KIF17: variants seen among roughly 807,000 people sequenced by gnomAD.
KIF17 encodes kinesin family member 17.
KIF17 carries 80 observed loss-of-function variants against 96.8 expected under a neutral mutation model. The observed-to-expected ratio is 0.83, with a 90% CI of 0.69 to 1.00. The LOEUF is 1.00. Ranked by LOEUF, KIF17 falls within the 50% of genes least tolerant of loss-of-function variation. KIF17 has a pLI of 0.00. For missense variants in KIF17, 1,280 were observed against 1,372.9 expected (o/e 0.93, Z 1.07); for synonymous variants, 567 against 587.5 (o/e 0.97, Z 0.51).
intron 3 of KIF17, among the ~76,000 whole-genome samples, chr1:20,711,995 C>T (rs1199357807): frequency 2.0e-5 from 3 of 152,098 alleles, no homozygotes; most frequent in African/African-American, 7.2e-5. Flanking sequence ...TGTCTAAAGC[C>T]CGGTGACCTC....
intron 11 of KIF17, among the ~76,000 whole-genome samples, chr1:20,674,869 G>C (rs1557584416): frequency 6.6e-6 from 1 of 152,096 alleles, no homozygotes; most frequent in South Asian, 2.1e-4. Flanking sequence ...CAATTGACAG[G>C]CTGGGCGTGG....
In KIF17 at chr1:20,690,474, G is replaced by A. The variant is rs893569758; in HGVS notation, c.1234-139C>T. 1.1e-5 allele frequency: 8 copies of A among 748,900 alleles called. No homozygotes were observed. In the African/African-American group the frequency reaches 1.2e-4, roughly 12 times the overall value. 46.4% of individuals were successfully genotyped at this position (748,900 alleles called of 1,614,324 possible). On this transcript the variant is annotated intron_variant, in intron 6 of 14. Transcript: ENST00000400463. ...AGAGAATCCAATGGTACAACACTGT[G>A]ATAATTACTTGCCGGTGAAGACCTT...
At chr1:20,714,296 C>T (rs1043727431) in intron 2 of KIF17, among the ~76,000 whole-genome samples, 7 of 151,900 alleles carry the variant, frequency 4.6e-5, no homozygotes, top group Non-Finnish European at 1.0e-4. Context: ...CACTGCACTC[C>T]AGCCTGGACA....
intron 1 of KIF17, among the ~76,000 whole-genome samples, chr1:20,717,050 C>G (rs1435208225): frequency 6.6e-6 from 1 of 152,210 alleles, no homozygotes; most frequent in Non-Finnish European, 1.5e-5. Context: ...GATAAAAAGT[C>G]ACCATTCGGC....
In KIF17 at chr1:20,672,032, G is replaced by C; in HGVS notation, c.2628C>G (p.Asn876Lys). Residue 876 changes from asparagine to lysine, a missense_variant, in exon 12 of 15, where the codon AAC becomes AAG. Transcript: ENST00000400463. This position sits in a 1 kb window ranked among gnomAD's most constrained non-coding sequence, Gnocchi z 4.3. Reference sequence around the variant, plus strand: ...AGGACTCACGCAGAATCTTCTCCAGGTTGCTGTAGTTACAGTCCCTGCGAA... The same window carrying C: ...AGGACTCACGCAGAATCTTCTCCAGCTTGCTGTAGTTACAGTCCCTGCGAA... ...PLIRRDCNYS[N>K]LEKILRESCW... 1 of 1,614,156 alleles carries C rather than the reference G, an allele frequency of 6.2e-7. No individual in the cohort carries two copies. The highest frequency in any genetic ancestry group is 8.5e-7 in the Non-Finnish European group (1 of 1,180,038).
chr1:20,679,303 G>A (rs980084870), intron 11 of KIF17, among the ~76,000 whole-genome samples: 3 of 151,876 alleles, frequency 2.0e-5, no homozygotes, highest in Non-Finnish European at 2.9e-5. Context: ...AGACCCCTCC[G>A]CTACAAAAAA....
intron 1 of KIF17, among the ~76,000 whole-genome samples, chr1:20,717,190 G>T (rs976927194): frequency 1.3e-5 from 2 of 152,192 alleles, no homozygotes; most frequent in Non-Finnish European, 2.9e-5. Context: ...TTAGACGGGC[G>T]TGGTGGCAGG....
intron 2 of KIF17, among the ~76,000 whole-genome samples, chr1:20,714,122 T>C (rs1487275543): frequency 6.6e-6 from 1 of 151,856 alleles, no homozygotes; most frequent in East Asian, 2.0e-4. Context: ...GGTCAGGAGA[T>C]CGAGATCATC....
intron 13 of KIF17, among the ~76,000 whole-genome samples, chr1:20,669,300 G>A (rs886468568): frequency 3.3e-5 from 5 of 151,988 alleles, no homozygotes; most frequent in Non-Finnish European, 7.4e-5. Context: ...CACTTTGGAA[G>A]GCTGAAGCGG....
rs535510248 is a variant in KIF17, at chr1:20,696,802, C to T, written c.1233+1577G>A. Among the ~76,000 whole-genome samples the T allele has an allele frequency of 2.0e-5, 3 of 152,284 alleles. No homozygotes were observed. In the South Asian group the frequency reaches 6.2e-4, roughly 32 times the overall value. ...ACTCCATGCCCACTCCGAACAACAG[C>T]AGGCTGACTTCTCTGGTTTCTGCGG... On this transcript the variant is annotated intron_variant, in intron 6 of 14. Coordinates refer to ENST00000400463, the MANE Select transcript of KIF17 (RefSeq NM_001122819.3).
chr1:20,687,795 C>T lies in KIF17; in HGVS notation c.1531G>A (p.Asp511Asn), dbSNP rs2053966258. 5 of 1,614,050 alleles carry T rather than the reference C, an allele frequency of 3.1e-6. No homozygotes were observed. The highest frequency in any genetic ancestry group is 1.6e-4 in the Middle Eastern group (1 of 6,084). The stretch of plus-strand genomic sequence containing the variant: ...GAGGAAACCTGAGTCTTGGAGACAT[C>T]GTCACTGGGCAGAGTGTCAGTCGTG... ...FSTTDTLPSD[D>N]VSKTQVSSRF... The change falls in exon 8 of 15, where the codon GAT (aspartate) becomes AAT (asparagine). Residue 511 changes from aspartate to asparagine, a missense_variant. By Grantham distance (23) the Asp-to-Asn change is conservative (BLOSUM62 1). Coordinates refer to ENST00000400463, the MANE Select transcript of KIF17 (RefSeq NM_001122819.3). This position sits in a 1 kb window ranked among gnomAD's most constrained non-coding sequence, Gnocchi z 4.4.
chr1:20,679,454 T>C, intron 11 of KIF17, among the ~76,000 whole-genome samples: 1 of 152,172 alleles, frequency 6.6e-6, no homozygotes, highest in Admixed American at 6.6e-5. Context: ...CACTCCAGCC[T>C]GGGCGACAGA....
rs879010222 is a variant in KIF17, at chr1:20,684,924, G to A, written c.2116C>T (p.Gln706Ter). Residue 706 changes from glutamine (Q) to a stop codon, truncating the protein, a stop_gained, in exon 10 of 15, where the codon CAG (glutamine) becomes TAG (stop). Coordinates refer to ENST00000400463, the MANE Select transcript of KIF17 (RefSeq NM_001122819.3). LOFTEE classifies it high-confidence loss of function. ...EAQAPVALVAQPEPLPATAGV... is the reference protein window; with the variant it reads ...EAQAPVALVA ...GCTGTGGCCGGCAGGGGCTCAGGCT[G>A]AGCCACCAGGGCCACCGGGGCCTGA... is the stretch of plus-strand genomic sequence containing the variant. The A allele has an allele frequency of 6.3e-7, 1 of 1,596,870 alleles. No individual in the cohort carries two copies.
Position 20,686,028 on chromosome 1 carries a change from G to A in KIF17, c.2019+18C>T. The stretch of plus-strand genomic sequence containing the variant: ...AGAGAACCCCGTCCCCCACATGGAG[G>A]CCCGGGGAGGTACTCACAGGCCTGG... On this transcript the variant is annotated intron_variant, in intron 9 of 14. Coordinates refer to ENST00000400463, the MANE Select transcript of KIF17 (RefSeq NM_001122819.3). The A allele has an allele frequency of 2.6e-6, 4 of 1,548,012 alleles. No individual in the cohort carries two copies. Among genetic ancestry groups the A allele is most frequent in the African/African-American group, 1.4e-5 (1 of 73,114 alleles).
chr1:20,713,330 AG>A, intron 3 of KIF17, 123 bp downstream of exon 3: 9 of 644,956 alleles, frequency 1.4e-5, no homozygotes, highest in South Asian at 4.0e-5. Context: ...AAAAAAAAAA[AG>A]TCCCGACTCT....
At chr1:20,712,107 G>T (rs1011264429) in intron 3 of KIF17, among the ~76,000 whole-genome samples, 2 of 152,190 alleles carry the variant, frequency 1.3e-5, no homozygotes, top group Non-Finnish European at 2.9e-5. Flanking sequence ...GTGAGCAGCT[G>T]CCAGCCTTCG....
In KIF17 at chr1:20,664,060, CCTTGGGCCACAGA is replaced by C. The variant is rs2053480766; in HGVS notation, c.*511_*523del. ...GGGCAGCTTAATGTGGAGTGGCCTT[CCTTGGGCCACAGA>C]CCAGCCAGGGGTGGGCAGTGCAGGA... On this transcript the variant is annotated 3_prime_UTR_variant, in exon 15 of 15. Coordinates refer to ENST00000400463, the MANE Select transcript of KIF17 (RefSeq NM_001122819.3). 1.1e-5 allele frequency: 2 copies of C among 187,220 alleles called. No individual in the cohort carries two copies. Among genetic ancestry groups the C allele is most frequent in the Non-Finnish European group, 2.3e-5 (2 of 87,562 alleles). The allele number at this position is 187,220 out of a possible 1,614,324, so 11.6% of individuals were successfully genotyped here. A position where few individuals can be genotyped will look rare whatever the true frequency, so the allele number is the denominator to read the frequency against.
At position 20,687,782 on chromosome 1, in the gene KIF17, G is replaced by A. The variant is rs1557592625; in HGVS notation, c.1544C>T (p.Thr515Ile). Residue 515 changes from threonine (T) to isoleucine (I), a missense_variant, in exon 8 of 15, where the codon ACT becomes ATT. Physicochemically the swap from Thr to Ile is moderately conservative, Grantham distance 89 (BLOSUM62 -1). Transcript: ENST00000400463. The surrounding 1 kb of genome is among the most constrained non-coding windows in gnomAD (Gnocchi z 4.4). Reference sequence around the variant, plus strand: ...CTCCGCAAACCTGGAGGAAACCTGAGTCTTGGAGACATCGTCACTGGGCAG... The same window carrying A: ...CTCCGCAAACCTGGAGGAAACCTGAATCTTGGAGACATCGTCACTGGGCAG... ...DTLPSDDVSK[T>I]QVSSRFAELP... is the part of the protein sequence containing the mutation. 1.9e-6 allele frequency: 3 copies of A among 1,614,092 alleles called. No individual in the cohort carries two copies. The highest frequency in any genetic ancestry group is 3.3e-5 in the Admixed American group (2 of 60,012).
chr1:20,697,513 G>A (rs1452382321), intron 6 of KIF17, among the ~76,000 whole-genome samples: 1 of 152,184 alleles, frequency 6.6e-6, no homozygotes, highest in African/African-American at 2.4e-5. Context: ...AAGCTGAGGT[G>A]GGAGGAGCAC....
Sources: gnomAD v4.1 joint callset for allele counts (sites outside exome capture counted in the v4.1 genomes callset) on GRCh38, gnomAD v4.1.1 for gene constraint, Gnocchi (gnomAD v3.1) non-coding constraint, MANE v1.5 for transcripts, NCBI Gene and HGNC (gene_info 2026-07-23, HGNC 2026-07-21) for gene names.